TEX11: variants seen among roughly 807,000 people sequenced by gnomAD.
TEX11 encodes the protein testis-expressed protein 11.
Under a neutral mutation model 84.4 loss-of-function variants are expected in TEX11, and 7 were observed. The ratio of observed to expected loss-of-function variants is 0.08; its 90% CI spans 0.05 to 0.16. TEX11 has a LOEUF of 0.16. Among genes scored for constraint, TEX11 ranks in the 10% least tolerant of loss-of-function variants. The pLI is 1.00. For missense variants in TEX11, 551 were observed against 660.5 expected (o/e 0.83, Z 1.82); for synonymous variants, 264 against 222.8 (o/e 1.18, Z -1.64).
At chrX:70,564,575 C>T (rs1356391786) in intron 25 of TEX11, among the ~76,000 whole-genome samples, 3 of 88,296 alleles carry the variant, frequency 3.4e-5, no homozygotes, top group Non-Finnish European at 6.5e-5. Context: ...CCACAACAGT[C>T]CCCAGAGTGT....
chrX:70,872,262 T>C (rs1336780070), intron 4 of TEX11, among the ~76,000 whole-genome samples: 1 of 112,378 alleles, frequency 8.9e-6, no homozygotes, highest in African/African-American at 3.2e-5. Context: ...TCAATTTATC[T>C]AAGAGTTAAA....
At chrX:70,702,269 C>A (rs914788521) in intron 13 of TEX11, among the ~76,000 whole-genome samples, 2 of 111,746 alleles carry the variant, frequency 1.8e-5, no homozygotes, top group Admixed American at 9.6e-5. Context: ...ACTTCAGCAA[C>A]CATCATCCTG....
intron 15 of TEX11, among the ~76,000 whole-genome samples, chrX:70,676,608 G>T (rs753333309): frequency 9.0e-6 from 1 of 111,464 alleles, no homozygotes; most frequent in African/African-American, 3.3e-5. Context: ...GGTTTGTTAA[G>T]ATTTTTCTAT....
chrX:70,687,028 ACT>A (rs768893302), intron 13 of TEX11, among the ~76,000 whole-genome samples: 61 of 111,840 alleles, frequency 5.5e-4, no homozygotes, highest in African/African-American at 2.0e-3. Context: ...TATTTCCTTA[ACT>A]CTCTGCTACA....
intron 9 of TEX11, among the ~76,000 whole-genome samples, chrX:70,767,424 C>T (rs1441833670): frequency 8.9e-6 from 1 of 111,748 alleles, no homozygotes; most frequent in Non-Finnish European, 1.9e-5. Context: ...CATCTCCACT[C>T]AGTTAAAATG....
At chrX:70,811,610 C>T (rs2091255078) in intron 8 of TEX11, among the ~76,000 whole-genome samples, 1 of 111,252 alleles carries the variant, frequency 9.0e-6, no homozygotes, top group South Asian at 3.9e-4. Flanking sequence ...CACTGTCTTC[C>T]ACAATGGTTG....
At chrX:70,599,042 A>T (rs188035829) in intron 24 of TEX11, among the ~76,000 whole-genome samples, 19 of 111,894 alleles carry the variant, frequency 1.7e-4, no homozygotes, top group African/African-American at 5.8e-4. Context: ...GGTGAATTAT[A>T]AGGTATGTGA....
intron 2 of TEX11, among the ~76,000 whole-genome samples, chrX:70,887,276 T>A (rs1391353243): frequency 9.0e-6 from 1 of 111,207 alleles, no homozygotes; most frequent in Non-Finnish European, 1.9e-5. Flanking sequence ...GCTCTTGGGG[T>A]CCAGGATTCC....
intron 13 of TEX11, among the ~76,000 whole-genome samples, chrX:70,689,788 A>T (rs1396304622): frequency 8.9e-6 from 1 of 112,152 alleles, no homozygotes; most frequent in East Asian, 2.8e-4. Context: ...GTATGCCTTT[A>T]AGCAGGGGAG....
intron 7 of TEX11, among the ~76,000 whole-genome samples, chrX:70,851,996 C>T (rs185240977): frequency 1.2e-3 from 133 of 111,649 alleles, no homozygotes; most frequent in Middle Eastern, 4.7e-3. Flanking sequence ...GGAATGACTG[C>T]TAATGCTGAT....
chrX:70,705,048 A>T (rs1206786650), intron 13 of TEX11, among the ~76,000 whole-genome samples: 2 of 111,904 alleles, frequency 1.8e-5, no homozygotes, highest in Non-Finnish European at 3.8e-5. Flanking sequence ...TTTATTAAAT[A>T]GGGAATCCTT....
chrX:70,641,598 C>G (rs1469031412), intron 17 of TEX11, among the ~76,000 whole-genome samples: 2 of 111,620 alleles, frequency 1.8e-5, no homozygotes, highest in East Asian at 5.6e-4. Flanking sequence ...CAAACTAGAA[C>G]TCAGGATTAA....
At position 70,881,942 on chromosome X, in the gene TEX11, T is replaced by G. The variant is rs770893338; in HGVS notation, c.38-1833A>C. ...TACTCCAGAAGGTGAGACAGGAGAA[T>G]CTCTTGAACCCAGGAGGCAGAGGTT... On this transcript the variant is annotated intron_variant, in intron 2 of 29. Coordinates refer to ENST00000374333, the MANE Select transcript of TEX11 (RefSeq NM_031276.3). 3.9e-5 allele frequency among the ~76,000 whole-genome samples: 4 copies of G among 103,054 alleles called. No homozygotes were observed. The South Asian group carries it at 1.4e-3, about 35-fold the overall frequency. The allele number at this position is 103,054 out of a possible 115,157, so 89.5% of individuals were successfully genotyped here.
chrX:70,603,508 A>G (rs2089156370), intron 24 of TEX11, among the ~76,000 whole-genome samples: 1 of 106,594 alleles, frequency 9.4e-6, no homozygotes, highest in Admixed American at 1.0e-4. Flanking sequence ...ATATGTAGAA[A>G]GCTGAAACTG....
At chrX:70,779,628 A>G (rs2091025030) in intron 9 of TEX11, among the ~76,000 whole-genome samples, 1 of 110,895 alleles carries the variant, frequency 9.0e-6, no homozygotes, top group Non-Finnish European at 1.9e-5. Flanking sequence ...GTTTTCTAAA[A>G]GGATAAAATT....
chrX:70,867,693 A>G (rs1232344759), intron 4 of TEX11, among the ~76,000 whole-genome samples: 1 of 111,156 alleles, frequency 9.0e-6, no homozygotes, highest in East Asian at 2.8e-4. Flanking sequence ...CACCAATGGA[A>G]CAGAACAGAG....
chrX:70,685,709 C>T (rs1373941871), intron 13 of TEX11, among the ~76,000 whole-genome samples: 1 of 111,986 alleles, frequency 8.9e-6, no homozygotes, highest in Non-Finnish European at 1.9e-5. Flanking sequence ...TGTAAGTGTT[C>T]CTATTTCTCC....
chrX:70,662,788 A>C (rs1220834355), intron 16 of TEX11, among the ~76,000 whole-genome samples: 1 of 111,539 alleles, frequency 9.0e-6, no homozygotes, highest in Non-Finnish European at 1.9e-5. Flanking sequence ...AAACTCTAGG[A>C]AAGATAAATC....
chrX:70,885,888 C>CAAAAAA (rs780384460), intron 2 of TEX11, among the ~76,000 whole-genome samples: 3 of 41,281 alleles, frequency 7.3e-5, no homozygotes, highest in Non-Finnish European at 5.9e-5. Flanking sequence ...GACACTGCCA[C>CAAAAAA]AAAAAAAAAA....
Sources: gnomAD v4.1 joint callset for allele counts (sites outside exome capture counted in the v4.1 genomes callset) on GRCh38, gnomAD v4.1.1 for gene constraint, MANE v1.5 for transcripts, NCBI Gene and HGNC (gene_info 2026-07-23, HGNC 2026-07-21) for gene names.